The following CFAP99 variants were observed in gnomAD, a reference collection of about 807,000 sequenced individuals.
CFAP99 encodes cilia- and flagella-associated protein 99.
CFAP99 carries 84 observed loss-of-function variants against 82.7 expected under a neutral mutation model. That is an observed-to-expected ratio of 1.02 (90% CI 0.85 to 1.22). The LOEUF (loss-of-function observed/expected upper bound fraction) is 1.22, where lower values mean the gene tolerates loss of function less well. Among genes scored for constraint, CFAP99 ranks in the 50% most tolerant of loss-of-function variants. The pLI is 0.00. For synonymous variants in CFAP99, 456 were observed against 429.5 expected (o/e 1.06, Z -0.76); for missense variants, 1,059 against 983.5 (o/e 1.08, Z -1.03).
chr4:2,460,257 C>A lies in CFAP99; in HGVS notation c.1661+15C>A. On this transcript the variant is annotated intron_variant, in intron 14 of 14. Transcript: ENST00000635017. Reference sequence around the variant, plus strand: ...GCAGCCTTGAGGTTGGTACTGGGCTCGGGGAGGGTGCCTCTGGGTGGACAG... The same window carrying A: ...GCAGCCTTGAGGTTGGTACTGGGCTAGGGGAGGGTGCCTCTGGGTGGACAG... 1 of 1,534,930 alleles carries A rather than the reference C, an allele frequency of 6.5e-7. No individual in the cohort carries two copies. Among genetic ancestry groups the A allele is most frequent in the Non-Finnish European group, 8.7e-7 (1 of 1,145,938 alleles).
At chr4:2,451,234 C>A in intron 9 of CFAP99, 30 bp from the exon 10 acceptor site, 1 of 1,535,142 alleles carries the variant, frequency 6.5e-7, no homozygotes, top group South Asian at 1.2e-5. Flanking sequence ...CTCCTCAAGC[C>A]CCCACCACAG....
chr4:2,430,599 G>A (rs1270283954), intron 2 of CFAP99, among the ~76,000 whole-genome samples: 1 of 152,228 alleles, frequency 6.6e-6, no homozygotes, highest in Non-Finnish European at 1.5e-5. Flanking sequence ...ACAGCAGACT[G>A]CGGTGAAAGG....
At chr4:2,452,470 T>G (rs1237159312) in intron 11 of CFAP99, 124 bp downstream of exon 11, 1 of 1,029,218 alleles carries the variant, frequency 9.7e-7, no homozygotes, top group Non-Finnish European at 1.4e-6. Flanking sequence ...AAGCTACTGA[T>G]GTGTTGGTCC....
chr4:2,458,790 T>C, exon 12 of CFAP99: 8 of 1,535,816 alleles, frequency 5.2e-6, no homozygotes, highest in Non-Finnish European at 7.0e-6. Context: ...AAGGAGCTGG[T>C]GGAGCAGGTG....
chr4:2,425,565 T>C (rs905930428), intron 1 of CFAP99, among the ~76,000 whole-genome samples: 1 of 152,130 alleles, frequency 6.6e-6, no homozygotes, highest in African/African-American at 2.4e-5. Flanking sequence ...AAGCCCAGCC[T>C]GGCCCAGAGC....
At chr4:2,435,201 G>C (rs1277978255) in intron 2 of CFAP99, among the ~76,000 whole-genome samples, 1 of 151,882 alleles carries the variant, frequency 6.6e-6, no homozygotes, top group Non-Finnish European at 1.5e-5. Flanking sequence ...GGGAGGCTGA[G>C]GCAGGAAATT....
intron 11 of CFAP99, among the ~76,000 whole-genome samples, chr4:2,458,083 C>T (rs80016843): frequency 6.6e-6 from 1 of 152,202 alleles, no homozygotes; most frequent in Admixed American, 6.5e-5. Context: ...CTTCTGCACT[C>T]CCGGCCTGAG....
chr4:2,445,255 C>A, exon 6 of CFAP99: 1 of 1,420,090 alleles, frequency 7.0e-7, no homozygotes, highest in Non-Finnish European at 9.2e-7. Flanking sequence ...TGCCCCCAGG[C>A]CCCGCACCAT....
intron 1 of CFAP99, among the ~76,000 whole-genome samples, chr4:2,422,082 G>T (rs1733596397): frequency 3.3e-5 from 5 of 152,164 alleles, no homozygotes; most frequent in Admixed American, 3.3e-4. Context: ...GAGAATGCAT[G>T]AATGTAGCTG....
At chr4:2,458,573 G>A (rs996624157) in intron 11 of CFAP99, 150 bp from the exon 12 acceptor site, 3 of 942,314 alleles carry the variant, frequency 3.2e-6, no homozygotes, top group Non-Finnish European at 3.0e-6. Context: ...ACCGCCAGGA[G>A]TGAATGGGCT....
chr4:2,461,292 G>A (rs2108738457), intron 14 of CFAP99, among the ~76,000 whole-genome samples: 1 of 152,322 alleles, frequency 6.6e-6, no homozygotes, highest in East Asian at 1.9e-4. Context: ...CCCAGCTGTT[G>A]TAGTAGAGCC....
intron 11 of CFAP99, among the ~76,000 whole-genome samples, chr4:2,453,754 TTTG>T (rs1734359518): frequency 6.6e-6 from 1 of 152,016 alleles, no homozygotes; most frequent in Non-Finnish European, 1.5e-5. Flanking sequence ...TTTTTTTTTT[TTTG>T]GTTCTTTATT....
chr4:2,462,079 C>T lies in CFAP99; in HGVS notation c.1662-364C>T, dbSNP rs1049971390. On this transcript the variant is annotated intron_variant, in intron 14 of 14. Transcript: ENST00000635017. The surrounding 1 kb of genome is among the most constrained non-coding windows in gnomAD (Gnocchi z 4.1). ...GGCTGAGGTAGGAGAATTGCTTGAG[C>T]CTGGGAGGTCAAGGCTGCAGTGAGC... The T allele has an allele frequency of 2.4e-4, 41 of 169,648 alleles. No homozygotes were observed. Among genetic ancestry groups the T allele is most frequent in the African/African-American group, 8.8e-4 (37 of 42,222 alleles). The allele number at this position is 169,648 out of a possible 1,614,324, so 10.5% of individuals were successfully genotyped here.
chr4:2,458,543 G>A (rs563512393), intron 11 of CFAP99, among the ~76,000 whole-genome samples, 180 bp from the exon 12 acceptor site: 39 of 152,292 alleles, frequency 2.6e-4, no homozygotes, highest in Admixed American at 1.6e-3. Context: ...GAAGTTCCCC[G>A]CAGGCCCAAC....
In CFAP99 at chr4:2,433,293, G is replaced by A. The variant is rs562678138; in HGVS notation, c.112-3581G>A. On this transcript the variant is annotated intron_variant, in intron 2 of 14. Coordinates refer to ENST00000635017, the Ensembl canonical transcript of CFAP99. Reference sequence around the variant, plus strand: ...AAGCGGAGTCGCCGGTGCCTGAGCCGGGGAGGCCAGAGGAGGTTGTCAGCA... The same window carrying A: ...AAGCGGAGTCGCCGGTGCCTGAGCCAGGGAGGCCAGAGGAGGTTGTCAGCA... Among the ~76,000 whole-genome samples the A allele has an allele frequency of 2.4e-4, 37 of 152,294 alleles. No individual in the cohort carries two copies. The East Asian group carries it at 4.6e-3, about 19-fold the overall frequency.
At chr4:2,419,416 TC>T (rs1440466517) in intron 1 of CFAP99, among the ~76,000 whole-genome samples, 30 of 152,004 alleles carry the variant, frequency 2.0e-4, no homozygotes, top group African/African-American at 7.0e-4. Flanking sequence ...CACTTAAACT[TC>T]CCATTGACAG....
intron 14 of CFAP99, among the ~76,000 whole-genome samples, 181 bp downstream of exon 14, chr4:2,460,423 T>C (rs1315579448): frequency 1.3e-5 from 2 of 152,192 alleles, no homozygotes; most frequent in African/African-American, 4.8e-5. Context: ...CACATGGGAA[T>C]GGTGCAAAAT....
chr4:2,462,436 C>A lies in CFAP99; in HGVS notation c.1662-7C>A. 1 of 1,429,572 alleles carries A rather than the reference C, an allele frequency of 7.0e-7. No individual in the cohort carries two copies. Among genetic ancestry groups the A allele is most frequent in the Non-Finnish European group, 9.1e-7 (1 of 1,104,720 alleles). The allele number at this position is 1,429,572 out of a possible 1,614,324, so 88.6% of individuals were successfully genotyped here. On this transcript the variant is annotated splice_polypyrimidine_tract_variant and splice_region_variant and intron_variant, in intron 14 of 14. Transcript: ENST00000635017. This position sits in a 1 kb window ranked among gnomAD's most constrained non-coding sequence, Gnocchi z 4.1. ...CCTGCTCCTGAGCCCGCCGCGTCGCCCGCCAGGTGGGAGGAAAAGAAGGCC... is the reference window on the plus strand; with the variant it reads ...CCTGCTCCTGAGCCCGCCGCGTCGCACGCCAGGTGGGAGGAAAAGAAGGCC...
At chr4:2,424,195 G>A (rs944179823) in intron 1 of CFAP99, among the ~76,000 whole-genome samples, 6 of 152,228 alleles carry the variant, frequency 3.9e-5, no homozygotes, top group Admixed American at 6.5e-5. Context: ...GAGGCAGGCA[G>A]ATCACCTGAG....
Sources: gnomAD v4.1 joint callset for allele counts (sites outside exome capture counted in the v4.1 genomes callset) on GRCh38, gnomAD v4.1.1 for gene constraint, Gnocchi (gnomAD v3.1) non-coding constraint, MANE v1.5 for transcripts, NCBI Gene and HGNC (gene_info 2026-07-23, HGNC 2026-07-21) for gene names.